SLC11A2: variants seen among roughly 807,000 people sequenced by gnomAD.
The protein encoded by SLC11A2 is natural resistance-associated macrophage protein 2.
Under a neutral mutation model 68.0 loss-of-function variants are expected in SLC11A2, and 38 were observed. That is an observed-to-expected ratio of 0.56 (90% CI 0.43 to 0.73). The LOEUF is 0.73. SLC11A2 is among the 30% of genes least tolerant of loss of function. The pLI, the probability that SLC11A2 is intolerant of heterozygous loss-of-function variation, is 0.00. For synonymous variants in SLC11A2, 242 were observed against 250.6 expected, an observed-to-expected ratio of 0.97 and a Z score of 0.32; for missense variants, 517 against 690.5, an observed-to-expected ratio of 0.75 and a Z score of 2.82.
intron 1 of SLC11A2, among the ~76,000 whole-genome samples, chr12:51,023,803 G>A (rs1944200191): frequency 6.6e-6 from 1 of 152,158 alleles, no homozygotes; most frequent in Admixed American, 6.5e-5. Flanking sequence ...GACAACCTGG[G>A]CAACCTAGTA....
At chr12:50,975,513 C>T (rs1025655977), downstream of SLC11A2, among the ~76,000 whole-genome samples, 3 of 152,122 alleles carry the variant, frequency 2.0e-5, no homozygotes, top group African/African-American at 4.8e-5. Context: ...AAATTTATAG[C>T]ACTAAATGCC....
intron 4 of SLC11A2, 33 bp from the exon 5 acceptor site, chr12:51,004,940 T>G: frequency 6.2e-7 from 1 of 1,612,600 alleles, no homozygotes; most frequent in Non-Finnish European, 8.5e-7. Flanking sequence ...TAACACTCAT[T>G]GAACAACTGA....
Position 51,005,426 on chromosome 12 carries a change from A to C in SLC11A2, c.194T>G (p.Phe65Cys). 1 of 1,613,918 alleles carries C rather than the reference A, an allele frequency of 6.2e-7. No homozygotes were observed. The highest frequency in any genetic ancestry group is 1.7e-5 in the Admixed American group (1 of 60,006). ...GAAAGCCCAGAGTTTACGAAAGCTA[A>C]AACAAGAGTACTGTACAAGAGAGGA... is the stretch of plus-strand genomic sequence containing the variant. The part of the protein sequence containing the change: ...ISIPEEEYSC[F>C]SFRKLWAFTG... The change falls in exon 4 of 16, where the codon TTT becomes TGT. Residue 65 changes from phenylalanine to cysteine, a missense_variant. Phe to Cys is a radical substitution (Grantham distance 205). Coordinates refer to ENST00000262052, the MANE Select transcript of SLC11A2 (RefSeq NM_000617.3).
downstream of SLC11A2, among the ~76,000 whole-genome samples, chr12:50,982,637 C>T (rs916703354): frequency 4.6e-5 from 7 of 151,216 alleles, no homozygotes; most frequent in African/African-American, 7.3e-5. Context: ...AAAAACAAAA[C>T]AGCAAACAAA....
chr12:51,008,121 C>T (rs7397068), intron 3 of SLC11A2: 3 of 191,522 alleles, frequency 1.6e-5, no homozygotes, highest in Non-Finnish European at 2.2e-5. Flanking sequence ...GGGAGAATCA[C>T]TTGACCCCAG....
chr12:50,984,825 A>G (rs1312386340), downstream of SLC11A2, among the ~76,000 whole-genome samples: 1 of 152,226 alleles, frequency 6.6e-6, no homozygotes, highest in East Asian at 1.9e-4. Context: ...TAATCAGAGT[A>G]TGAAACAAAT....
In SLC11A2 at chr12:50,987,425, A is replaced by T. The variant is rs1940696834; in HGVS notation, c.*900T>A. 2 of 1,287,182 alleles carry T rather than the reference A, an allele frequency of 1.6e-6. No homozygotes were observed. The highest frequency in any genetic ancestry group is 5.5e-5 in the East Asian group (1 of 18,020). The allele number at this position is 1,287,182 out of a possible 1,614,324, so 79.7% of individuals were successfully genotyped here. A position where few individuals can be genotyped will look rare whatever the true frequency, so the allele number is the denominator to read the frequency against. On this transcript the variant is annotated 3_prime_UTR_variant, in exon 16 of 16. Transcript: ENST00000262052. ...ACAAAATAGATGGCTCTCCTCCCTTAAAGTCTTTTCTCCCCACCCTCAACA... is the reference window on the plus strand; with the variant it reads ...ACAAAATAGATGGCTCTCCTCCCTTTAAGTCTTTTCTCCCCACCCTCAACA...
In SLC11A2 at chr12:50,991,618, T is replaced by G; in HGVS notation, c.1402A>C (p.Ser468Arg). 1.2e-6 allele frequency: 2 copies of G among 1,613,898 alleles called. No individual in the cohort carries two copies. The highest frequency in any genetic ancestry group is 1.7e-6 in the Non-Finnish European group (2 of 1,179,922). Residue 468 changes from serine (S) to arginine (R), a missense_variant, in exon 14 of 16, where the codon AGT becomes CGT. Coordinates refer to ENST00000262052, the MANE Select transcript of SLC11A2 (RefSeq NM_000617.3). The stretch of plus-strand genomic sequence containing the variant: ...ACTCACAGTCCATTGGCAAAGTCAC[T>G]CATTACTGGCCGCAAGCTCGTAAAT... ...LTFTSLRPVM[S>R]DFANGLGWRI...
At chr12:50,975,024 C>T (rs1261891777), downstream of SLC11A2, among the ~76,000 whole-genome samples, 1 of 152,148 alleles carries the variant, frequency 6.6e-6, no homozygotes, top group Non-Finnish European at 1.5e-5. Context: ...GACTTAGACT[C>T]CCACACAATA....
the SLC11A2 span, among the ~76,000 whole-genome samples, chr12:50,957,765 A>C: frequency 6.6e-6 from 1 of 151,818 alleles, no homozygotes; most frequent in Non-Finnish European, 1.5e-5. Context: ...TGCACCTGTA[A>C]TCCCAGCTAC....
chr12:50,952,714 A>T, the SLC11A2 span, among the ~76,000 whole-genome samples: 1 of 152,182 alleles, frequency 6.6e-6, no homozygotes, highest in African/African-American at 2.4e-5. Context: ...CCTTACCGCC[A>T]GGTGAGCCCG....
At chr12:51,025,993 G>A in intron 1 of SLC11A2, 1 of 1,020,364 alleles carries the variant, frequency 9.8e-7, no homozygotes, top group Non-Finnish European at 1.2e-6. Context: ...CACAGGCCGG[G>A]CGCGCCATCC....
intron 15 of SLC11A2, among the ~76,000 whole-genome samples, 173 bp from the exon 16 acceptor site, chr12:50,988,608 A>C (rs1010473544): frequency 1.3e-5 from 2 of 152,212 alleles, no homozygotes; most frequent in Non-Finnish European, 2.9e-5. Context: ...CCTTCAAAAA[A>C]TCAGCTGCCT....
chr12:50,965,106 T>G, the SLC11A2 span, among the ~76,000 whole-genome samples: 1 of 152,008 alleles, frequency 6.6e-6, no homozygotes, highest in Non-Finnish European at 1.5e-5. Context: ...GTTTTATGTT[T>G]GTGGGTTTTT....
chr12:51,023,993 G>A (rs144481221), intron 1 of SLC11A2, among the ~76,000 whole-genome samples: 3 of 152,180 alleles, frequency 2.0e-5, no homozygotes, highest in East Asian at 3.9e-4. Flanking sequence ...CTTGTCTTGT[G>A]GGGGGTGGGA....
chr12:51,022,828 C>T (rs939519282), intron 1 of SLC11A2, among the ~76,000 whole-genome samples: 1 of 152,042 alleles, frequency 6.6e-6, no homozygotes, highest in Non-Finnish European at 1.5e-5. Flanking sequence ...AGAGATGAGA[C>T]CAAAACAAAC....
the SLC11A2 span, among the ~76,000 whole-genome samples, chr12:50,968,072 C>T: frequency 2.0e-5 from 3 of 151,218 alleles, no homozygotes; most frequent in South Asian, 2.1e-4. Context: ...GGCCACAGAG[C>T]GAGGCATTGT....
downstream of SLC11A2, among the ~76,000 whole-genome samples, chr12:50,982,981 T>A: frequency 6.7e-6 from 1 of 150,126 alleles, no homozygotes; most frequent in East Asian, 2.0e-4. Flanking sequence ...ACTCCACTCC[T>A]AAAGAACTGA....
At position 50,991,631 on chromosome 12, in the gene SLC11A2, C is replaced by T; in HGVS notation, c.1389G>A (p.Leu463=). ...TGGCAAAGTCACTCATTACTGGCCGCAAGCTCGTAAATGTGAGGATGGGTA... is the reference window on the plus strand; with the variant it reads ...TGGCAAAGTCACTCATTACTGGCCGTAAGCTCGTAAATGTGAGGATGGGTA... The part of the protein sequence containing the change: ...ALIPILTFTS[L]RPVMSDFANG... The change falls in exon 14 of 16, where the codon TTG becomes TTA. Residue 463 remains leucine, a synonymous_variant. Coordinates refer to ENST00000262052, the MANE Select transcript of SLC11A2 (RefSeq NM_000617.3). The T allele has an allele frequency of 6.2e-7, 1 of 1,613,912 alleles. No individual in the cohort carries two copies. Among genetic ancestry groups the T allele is most frequent in the Non-Finnish European group, 8.5e-7 (1 of 1,179,948 alleles).
Sources: gnomAD v4.1 joint callset for allele counts (sites outside exome capture counted in the v4.1 genomes callset) on GRCh38, gnomAD v4.1.1 for gene constraint, MANE v1.5 for transcripts, NCBI Gene and HGNC (gene_info 2026-07-23, HGNC 2026-07-21) for gene names.